MYPN: variants seen among roughly 807,000 people sequenced by gnomAD.
MYPN encodes the protein sarcomeric protein myopalladin, 145 kDa (MYOP).
Under a neutral mutation model 129.4 loss-of-function variants are expected in MYPN, and 63 were observed. The observed-to-expected ratio is 0.49, with a 90% confidence interval of 0.40 to 0.60. The LOEUF is 0.60. Among genes scored for constraint, MYPN ranks in the 20% least tolerant of loss-of-function variants. The pLI, the probability that MYPN is intolerant of heterozygous loss-of-function variation, is 0.00. For missense variants in MYPN, 1,596 were observed against 1,635.4 expected, an observed-to-expected ratio of 0.98 and a Z score of 0.42; for synonymous variants, 629 against 600.9, an observed-to-expected ratio of 1.05 and a Z score of -0.68.
chr10:68,182,447 TATAACATATATATATA>T (rs2043346944), intron 12 of MYPN, among the ~76,000 whole-genome samples: 2 of 100,058 alleles, frequency 2.0e-5, no homozygotes, highest in African/African-American at 7.5e-5. Flanking sequence ...ATAACATATA[TATAACATATATATATA>T]ACATATATAC....
chr10:68,101,691 G>A (rs2041982650), upstream of MYPN, among the ~76,000 whole-genome samples: 1 of 151,422 alleles, frequency 6.6e-6, no homozygotes, highest in South Asian at 2.1e-4. Context: ...TCTTTTAGTT[G>A]GTGGATTTAA....
At chr10:68,206,224 T>C (rs1466216964) in intron 18 of MYPN, among the ~76,000 whole-genome samples, 1 of 152,160 alleles carries the variant, frequency 6.6e-6, no homozygotes, top group Non-Finnish European at 1.5e-5. Flanking sequence ...TATAATTACC[T>C]GGGATATGGC....
Position 68,134,270 on chromosome 10 carries a change from T to C in MYPN, c.903-8670T>C, listed in dbSNP as rs905570615. On this transcript the variant is annotated intron_variant, in intron 2 of 19. Transcript: ENST00000358913. ...AATAAAGCAAAGTTTCCTGCCATAT[T>C]ACATTCTAGATGAGGTGAAGGAGAA... Among the ~76,000 whole-genome samples the C allele has an allele frequency of 2.0e-5, 3 of 152,134 alleles. No homozygotes were observed. In the East Asian group the frequency reaches 5.8e-4, roughly 29 times the overall value.
rs1246898121 is a variant in MYPN, at chr10:68,182,495, CACAT to C, written c.2704-6408_2704-6405del. ...ATACACACACACACACACACACACA[CACAT>C]ATATATATATGGCATTTTTTTTTTT... On this transcript the variant is annotated intron_variant, in intron 12 of 19. Transcript: ENST00000358913. 4.4e-3 allele frequency among the ~76,000 whole-genome samples: 633 copies of C among 142,270 alleles called. 20 individuals are homozygous for C. The highest frequency in any genetic ancestry group is 0.014 in the South Asian group (62 of 4,508). 93.3% of individuals were successfully genotyped at this position (142,270 alleles called of 152,430 possible).
chr10:68,197,575 T>C, intron 16 of MYPN, 97 bp downstream of exon 16: 2 of 1,518,404 alleles, frequency 1.3e-6, no homozygotes, highest in Non-Finnish European at 1.8e-6. Flanking sequence ...GTTTTTTTTT[T>C]CAGGAAAGAT....
chr10:68,139,995 A>G (rs60473391), intron 2 of MYPN, among the ~76,000 whole-genome samples: 5,420 of 152,262 alleles, frequency 0.036, 328 homozygotes, highest in African/African-American at 0.12. Context: ...AAAAGAGGGT[A>G]ATGTGCTGGA....
Position 68,174,052 on chromosome 10 carries a change from T to C in MYPN, c.1974-14T>C, listed in dbSNP as rs773630947. On this transcript the variant is annotated splice_polypyrimidine_tract_variant and intron_variant, in intron 10 of 19. Transcript: ENST00000358913. ...ACATTTCCTTCTCTCTCTCCACCCT[T>C]GTTTTGTGTACAGTGATTCCACTCA... is the stretch of plus-strand genomic sequence containing the variant. The C allele has an allele frequency of 6.3e-7, 1 of 1,582,352 alleles. No homozygotes were observed. Among genetic ancestry groups the C allele is most frequent in the South Asian group, 1.1e-5 (1 of 90,490 alleles).
rs2134076649 is a variant in MYPN at position 68,145,459 on chromosome 10, G to A, written c.1079-16G>A. 2 of 1,608,854 alleles carry A rather than the reference G, an allele frequency of 1.2e-6. No homozygotes were observed. The highest frequency in any genetic ancestry group is 2.2e-5 in the South Asian group (2 of 90,950). On this transcript the variant is annotated splice_polypyrimidine_tract_variant and intron_variant, in intron 3 of 19. Transcript: ENST00000358913. ...TGTCATCTTAACAATCTTATGTCTT[G>A]TTTTTATTTTTCCAGGGGTTTCTTC...
chr10:68,154,802 G>A (rs2042839520), intron 6 of MYPN, among the ~76,000 whole-genome samples: 1 of 152,212 alleles, frequency 6.6e-6, no homozygotes, highest in Non-Finnish European at 1.5e-5. Context: ...TACTAAGCAA[G>A]AACTATATCC....
chr10:68,197,800 C>T (rs1186112724), intron 16 of MYPN, among the ~76,000 whole-genome samples: 1 of 152,008 alleles, frequency 6.6e-6, no homozygotes, highest in Non-Finnish European at 1.5e-5. Context: ...TTCCAAGCCC[C>T]ACAGTGAATG....
chr10:68,185,847 G>C (rs913183797), intron 12 of MYPN, among the ~76,000 whole-genome samples: 3 of 152,054 alleles, frequency 2.0e-5, no homozygotes, highest in Non-Finnish European at 4.4e-5. Flanking sequence ...AAATATCCTG[G>C]TGTAATTTTA....
intron 18 of MYPN, among the ~76,000 whole-genome samples, chr10:68,203,102 C>T (rs557115083): frequency 1.4e-4 from 22 of 152,230 alleles, no homozygotes; most frequent in Middle Eastern, 3.4e-3. Flanking sequence ...CGGGTGATTG[C>T]TCAGTCCTGG....
At chr10:68,089,330 C>G (rs921178329) in intron 1 of MYPN, among the ~76,000 whole-genome samples, 1 of 151,804 alleles carries the variant, frequency 6.6e-6, no homozygotes, top group African/African-American at 2.4e-5. Flanking sequence ...CTTTGCCTGG[C>G]CTGTTTTTTG....
chr10:68,100,892 A>G (rs188451739), intron 1 of MYPN, among the ~76,000 whole-genome samples: 108 of 151,020 alleles, frequency 7.2e-4, no homozygotes, highest in Admixed American at 2.4e-3. Context: ...TCTTAATAGT[A>G]TTTTTGTGTT....
chr10:68,141,105 T>C (rs1038406397), intron 2 of MYPN, among the ~76,000 whole-genome samples: 2 of 152,112 alleles, frequency 1.3e-5, no homozygotes, highest in Non-Finnish European at 2.9e-5. Flanking sequence ...GCGCAGTGGC[T>C]CATGCCTGTA....
chr10:68,095,016 TC>T (rs1170144554), intron 1 of MYPN, among the ~76,000 whole-genome samples: 1 of 152,048 alleles, frequency 6.6e-6, no homozygotes, highest in Non-Finnish European at 1.5e-5. Context: ...AGCCAAGATT[TC>T]ACCATTGCAC....
At chr10:68,148,213 C>T (rs1390917843) in intron 4 of MYPN, 140 bp from the exon 5 acceptor site, 1 of 731,062 alleles carries the variant, frequency 1.4e-6, no homozygotes, top group African/African-American at 1.8e-5. Context: ...TGCCCTTGGT[C>T]AACGTTTGTA....
intron 8 of MYPN, among the ~76,000 whole-genome samples, chr10:68,162,947 G>A (rs1233750381): frequency 1.3e-5 from 2 of 152,136 alleles, no homozygotes; most frequent in Non-Finnish European, 2.9e-5. Context: ...TCCTCTGTGG[G>A]GGTCTTCAAA....
intron 9 of MYPN, 55 bp from the exon 10 acceptor site, chr10:68,166,239 C>A: frequency 6.2e-7 from 1 of 1,610,184 alleles, no homozygotes; most frequent in East Asian, 2.2e-5. Flanking sequence ...TGTGCACATG[C>A]CCCAATTCAG....
Sources: gnomAD v4.1 joint callset for allele counts (sites outside exome capture counted in the v4.1 genomes callset) on GRCh38, gnomAD v4.1.1 for gene constraint, MANE v1.5 for transcripts, NCBI Gene and HGNC (gene_info 2026-07-23, HGNC 2026-07-21) for gene names.